Variants in NRXN1 observed in about 807,000 individuals in gnomAD.
The protein encoded by NRXN1 is neurexin 1.
A neutral mutation model predicts 150.9 loss-of-function variants in NRXN1; 39 were observed. That is an observed-to-expected ratio of 0.26 (90% CI 0.20 to 0.34). The LOEUF (loss-of-function observed/expected upper bound fraction) is 0.34, where lower values mean the gene tolerates loss of function less well. NRXN1 is among the 10% of genes least tolerant of loss of function. NRXN1 has a pLI of 1.00. For synonymous variants in NRXN1, 924 were observed against 757.0 expected, an observed-to-expected ratio of 1.22 and a Z score of -3.62; for missense variants, 1,815 against 1,949.9, an observed-to-expected ratio of 0.93 and a Z score of 1.30.
intron 22 of NRXN1, 48 bp from the exon 23 acceptor site, chr2:49,922,299 C>G (rs201597329): frequency 2.0e-6 from 3 of 1,532,408 alleles, no homozygotes; most frequent in East Asian, 2.3e-5. Context: ...ATTGAGTTCA[C>G]TGAATACCAG....
chr2:50,195,866 G>C (rs1419339190), intron 18 of NRXN1, among the ~76,000 whole-genome samples: 1 of 152,070 alleles, frequency 6.6e-6, no homozygotes, highest in African/African-American at 2.4e-5. Flanking sequence ...TGATTGTAGA[G>C]TGAGAAGAAA....
intron 5 of NRXN1, among the ~76,000 whole-genome samples, chr2:50,830,678 T>C (rs141358071): frequency 6.6e-6 from 1 of 150,686 alleles, no homozygotes; most frequent in East Asian, 2.0e-4. Context: ...CCCTTTTGCC[T>C]AGTTTTCACT....
intron 5 of NRXN1, among the ~76,000 whole-genome samples, chr2:50,737,843 C>T (rs1388305084): frequency 6.6e-6 from 1 of 151,948 alleles, no homozygotes; most frequent in African/African-American, 2.4e-5. Context: ...AAAAACATTA[C>T]AACAAGGCTC....
At position 50,766,749 on chromosome 2, in the gene NRXN1, G is replaced by T. The variant is rs189027109; in HGVS notation, c.833-143134C>A. On this transcript the variant is annotated intron_variant, in intron 5 of 22. Transcript: ENST00000401669. ...AAACTCCACAAAGTCTGGCCACCAG[G>T]GAGGGTCAATTACCAGGACTACATT... Among the ~76,000 whole-genome samples the T allele has an allele frequency of 1.5e-3, 230 of 151,994 alleles. 2 individuals are homozygous for T. The highest frequency in any genetic ancestry group is 6.8e-3 in the Middle Eastern group (2 of 294).
intron 5 of NRXN1, among the ~76,000 whole-genome samples, chr2:50,636,402 G>T (rs1398501935): frequency 6.6e-6 from 1 of 152,070 alleles, no homozygotes; most frequent in African/African-American, 2.4e-5. Context: ...AAGTGACACA[G>T]TCAGACTAAG....
chr2:50,461,201 C>T (rs1384052670), intron 17 of NRXN1, among the ~76,000 whole-genome samples: 2 of 151,910 alleles, frequency 1.3e-5, no homozygotes, highest in Admixed American at 6.6e-5. Context: ...GTTTCTAACT[C>T]TCATATGAAA....
intron 5 of NRXN1, among the ~76,000 whole-genome samples, chr2:50,787,247 C>G (rs1705251966): frequency 6.6e-6 from 1 of 152,014 alleles, no homozygotes; most frequent in South Asian, 2.1e-4. Flanking sequence ...TCTGATGGGT[C>G]TCTGGCAAAA....
chr2:50,348,135 T>A (rs2078178892), intron 17 of NRXN1, among the ~76,000 whole-genome samples: 1 of 152,206 alleles, frequency 6.6e-6, no homozygotes, highest in Non-Finnish European at 1.5e-5. Context: ...TACCAGGTGT[T>A]TAAACTCAAT....
chr2:50,306,384 C>G (rs981440818), intron 17 of NRXN1, among the ~76,000 whole-genome samples: 1 of 152,084 alleles, frequency 6.6e-6, no homozygotes, highest in African/African-American at 2.4e-5. Flanking sequence ...CTTTAAAATC[C>G]AGCCTGAAAG....
intron 5 of NRXN1, among the ~76,000 whole-genome samples, chr2:50,794,652 C>G (rs1706538426): frequency 6.6e-6 from 1 of 152,110 alleles, no homozygotes; most frequent in African/African-American, 2.4e-5. Context: ...CCCAGAACAG[C>G]AGCATGAAAA....
chr2:50,470,793 C>CT (rs1444771187), intron 16 of NRXN1, among the ~76,000 whole-genome samples: 1 of 151,722 alleles, frequency 6.6e-6, no homozygotes, highest in African/African-American at 2.4e-5. Context: ...GAAGAATTTG[C>CT]TCAAATAATC....
At chr2:50,068,768 A>T (rs1449195926) in intron 19 of NRXN1, among the ~76,000 whole-genome samples, 1 of 152,208 alleles carries the variant, frequency 6.6e-6, no homozygotes, top group Non-Finnish European at 1.5e-5. Flanking sequence ...ATCACAAAAA[A>T]TATTTTTTTT....
At chr2:49,988,443 A>G (rs2152516986) in intron 21 of NRXN1, among the ~76,000 whole-genome samples, 1 of 152,178 alleles carries the variant, frequency 6.6e-6, no homozygotes, top group Middle Eastern at 3.4e-3. Context: ...CTTTTTCATG[A>G]GTCATAGGAC....
intron 1 of NRXN1, among the ~76,000 whole-genome samples, chr2:51,031,687 T>C (rs532913797): frequency 6.6e-6 from 1 of 152,276 alleles, no homozygotes; most frequent in East Asian, 1.9e-4. Flanking sequence ...AGGAAATATA[T>C]GGAGAGATAT....
At chr2:50,618,758 G>C (rs1051417215) in intron 8 of NRXN1, among the ~76,000 whole-genome samples, 1 of 149,702 alleles carries the variant, frequency 6.7e-6, no homozygotes, top group Non-Finnish European at 1.5e-5. Context: ...GGAAATATTA[G>C]TACTATAATA....
At chr2:50,143,183 A>G (rs552460798) in intron 18 of NRXN1, among the ~76,000 whole-genome samples, 1 of 151,866 alleles carries the variant, frequency 6.6e-6, no homozygotes, top group South Asian at 2.1e-4. Flanking sequence ...ATGAAGAAAG[A>G]AAAATAAAAG....
intron 5 of NRXN1, among the ~76,000 whole-genome samples, chr2:50,742,459 T>C (rs1232709563): frequency 6.6e-6 from 1 of 151,574 alleles, no homozygotes; most frequent in Non-Finnish European, 1.5e-5. Flanking sequence ...ATAACAAAAA[T>C]TAGCGGGGCA....
intron 17 of NRXN1, among the ~76,000 whole-genome samples, chr2:50,333,247 C>G (rs1238245706): frequency 1.3e-5 from 2 of 152,196 alleles, no homozygotes; most frequent in Non-Finnish European, 2.9e-5. Context: ...ATAGTCCCAG[C>G]TCTGCCAGTT....
intron 21 of NRXN1, among the ~76,000 whole-genome samples, chr2:49,990,189 T>C (rs1024889803): frequency 1.3e-5 from 2 of 151,968 alleles, no homozygotes; most frequent in African/African-American, 2.4e-5. Context: ...GCTGTTAGAT[T>C]TGAACAATCA....
Sources: allele counts gnomAD v4.1 joint callset (sites outside exome capture counted in the v4.1 genomes callset), GRCh38; gene constraint gnomAD v4.1.1; transcripts MANE v1.5; gene names NCBI Gene and HGNC (gene_info 2026-07-23, HGNC 2026-07-21).